COL8A2: variants seen among roughly 807,000 people sequenced by gnomAD.
The protein encoded by COL8A2 is collagen type VIII alpha 2 chain, also known as collagen alpha-2(VIII) chain.
COL8A2 carries 16 observed loss-of-function variants against 24.0 expected under a neutral mutation model. That is an observed-to-expected ratio of 0.67 (90% CI 0.45 to 1.01). COL8A2 has a LOEUF of 1.01. COL8A2 is among the 50% of genes least tolerant of loss of function. The probability of loss-of-function intolerance (pLI) is 0.00; values close to 1 mark genes in which losing one functional copy is unlikely to be tolerated. For synonymous variants in COL8A2, 466 were observed against 424.5 expected (o/e 1.10, Z -1.20); for missense variants, 818 against 942.4 (o/e 0.87, Z 1.73).
chr1:36,108,297 C>G (rs1053682107), intron 2 of COL8A2, among the ~76,000 whole-genome samples: 42 of 152,316 alleles, frequency 2.8e-4, no homozygotes, highest in African/African-American at 1.0e-3. Context: ...TCCTTGCTCT[C>G]CCCATGGGGA....
chr1:36,096,175 T>C lies in COL8A2; in HGVS notation c.*1394A>G, dbSNP rs1461140489. The stretch of plus-strand genomic sequence containing the variant: ...AGGGCCGAGCGCGAGGCCCTGCAGC[T>C]GCGGGGAAAGTGGCCATCTTTGCAC... On this transcript the variant is annotated 3_prime_UTR_variant, in exon 4 of 4. Coordinates refer to ENST00000397799, the MANE Select transcript of COL8A2 (RefSeq NM_005202.4). 2 of 152,472 alleles carry C rather than the reference T, an allele frequency of 1.3e-5. No homozygotes were observed. Among genetic ancestry groups the C allele is most frequent in the East Asian group, 3.9e-4 (2 of 5,170 alleles). 9.4% of individuals were successfully genotyped at this position (152,472 alleles called of 1,614,324 possible).
Position 36,117,523 on chromosome 1 carries a change from GACAA to G in COL8A2, c.-61-1775_-61-1772del, listed in dbSNP as rs138506525. Among the ~76,000 whole-genome samples the G allele has an allele frequency of 5.7e-3, 865 of 152,276 alleles. 4 individuals are homozygous for G. The highest frequency in any genetic ancestry group is 0.02 in the African/African-American group (818 of 41,556). ...GGATGGAGAGAATCCAAATAAAATA[GACAA>G]ACACATGAACTAACTAATCATAGCT... On this transcript the variant is annotated intron_variant, in intron 1 of 3. Transcript: ENST00000397799.
rs149180733 is a variant in COL8A2 at position 36,097,564 on chromosome 1, G to T, written c.*5C>A. The T allele has an allele frequency of 1.3e-6, 2 of 1,594,320 alleles. No homozygotes were observed. The highest frequency in any genetic ancestry group is 2.2e-5 in the East Asian group (1 of 44,626). On this transcript the variant is annotated 3_prime_UTR_variant, in exon 4 of 4. Transcript: ENST00000397799. ...AGGCCAGGGCAGCAGGACCCCCCCC[G>T]CGGGTTATGTGGGGCAGAGCAAGAA... is the stretch of plus-strand genomic sequence containing the variant.
Position 36,099,113 on chromosome 1 carries a change from G to GT in COL8A2, c.567dup (p.Pro190ThrfsTer12). On this transcript the variant is annotated frameshift_variant, in exon 4 of 4. Transcript: ENST00000397799. LOFTEE classifies it low-confidence loss of function (END_TRUNC). ...GGCCCAGGCTCCCCCTGGGGCCCTG[G>GT]TTCCCCCTGGAATCCTGGGGGCCCT... The GT allele has an allele frequency of 6.6e-7, 1 of 1,508,722 alleles. No homozygotes were observed. Among genetic ancestry groups the GT allele is most frequent in the Non-Finnish European group, 8.8e-7 (1 of 1,130,564 alleles). 93.5% of individuals were successfully genotyped at this position (1,508,722 alleles called of 1,614,324 possible).
intron 2 of COL8A2, among the ~76,000 whole-genome samples, chr1:36,103,247 G>A (rs1242330332): frequency 6.6e-6 from 1 of 152,078 alleles, no homozygotes; most frequent in Non-Finnish European, 1.5e-5. Flanking sequence ...TTATAGGCAT[G>A]AGCCACCATG....
chr1:36,116,460 A>G (rs1309898821), intron 1 of COL8A2, among the ~76,000 whole-genome samples: 2 of 152,178 alleles, frequency 1.3e-5, no homozygotes, highest in African/African-American at 4.8e-5. Flanking sequence ...GGAAGCTTCT[A>G]CTATGTGGAG....
rs201868437 is a variant in COL8A2, at chr1:36,100,145, C to G, written c.98G>C (p.Gly33Ala). The change falls in exon 3 of 4, where the codon GGT (glycine) becomes GCT (alanine). Residue 33 changes from glycine to alanine, a missense_variant. Gly to Ala is a moderately conservative substitution (Grantham distance 60). This residue lies in a region of COL8A2 where 573 missense variants were observed against 616.8 expected (regional missense o/e 0.93). Coordinates refer to ENST00000397799, the MANE Select transcript of COL8A2 (RefSeq NM_005202.4). ...CACTGGGGCATAGCCCGCCGCCCCA[C>G]CGGCCCCGCCACCAGAGGACGCCCG... ...GPRASSGGGAGGAAGYAPVKY... is the reference protein window; with the variant it reads ...GPRASSGGGAAGAAGYAPVKY... 95 of 1,612,592 alleles carry G rather than the reference C, an allele frequency of 5.9e-5. No homozygotes were observed. Among genetic ancestry groups the G allele is most frequent in the Non-Finnish European group, 1.2e-5 (14 of 1,179,544 alleles).
chr1:36,099,938 G>A, intron 3 of COL8A2, 112 bp downstream of exon 3: 2 of 1,012,678 alleles, frequency 2.0e-6, no homozygotes, highest in South Asian at 2.6e-5. Flanking sequence ...AGGAAAATTG[G>A]TGGGGAATGA....
chr1:36,122,344 C>T (rs993507480), intron 1 of COL8A2, among the ~76,000 whole-genome samples: 24 of 152,200 alleles, frequency 1.6e-4, no homozygotes, highest in Non-Finnish European at 3.1e-4. Flanking sequence ...TCAAGATCTG[C>T]TGTCCACACT....
intron 1 of COL8A2, among the ~76,000 whole-genome samples, chr1:36,118,239 G>A (rs1446865578): frequency 6.6e-6 from 1 of 152,244 alleles, no homozygotes; most frequent in Non-Finnish European, 1.5e-5. Context: ...AGGCTAGGAA[G>A]TGAAGGAGGT....
intron 2 of COL8A2, among the ~76,000 whole-genome samples, chr1:36,111,606 G>A (rs1643841746): frequency 6.6e-6 from 1 of 151,802 alleles, no homozygotes; most frequent in Non-Finnish European, 1.5e-5. Context: ...GAGTTCAGTG[G>A]TGTACATGAC....
chr1:36,102,903 C>G (rs934013356), intron 2 of COL8A2, among the ~76,000 whole-genome samples: 1 of 151,856 alleles, frequency 6.6e-6, no homozygotes, highest in Non-Finnish European at 1.5e-5. Context: ...GAACTCCTGA[C>G]CTCTAGCGAT....
At chr1:36,117,930 A>G (rs1643887491) in intron 1 of COL8A2, among the ~76,000 whole-genome samples, 1 of 151,940 alleles carries the variant, frequency 6.6e-6, no homozygotes, top group African/African-American at 2.4e-5. Context: ...TAGGCTTTTC[A>G]CCATACAGAT....
In COL8A2 at chr1:36,098,536, C is replaced by A; in HGVS notation, c.1145G>T (p.Gly382Val). The A allele has an allele frequency of 6.3e-7, 1 of 1,598,858 alleles. No individual in the cohort carries two copies. The highest frequency in any genetic ancestry group is 8.5e-7 in the Non-Finnish European group (1 of 1,173,770). The stretch of plus-strand genomic sequence containing the variant: ...AGGCACTCCTGGGGGTCCTCCAGGC[C>A]CTGCCTCACCCTTAGGCCCAGGGGG... Reference protein sequence around the residue: ...RGPPGPKGEAGPGGPPGVPGI... With the variant: ...RGPPGPKGEAVPGGPPGVPGI... The change falls in exon 4 of 4, where the codon GGG becomes GTG. Residue 382 changes from glycine to valine, a missense_variant. This residue lies in a region of COL8A2 where 573 missense variants were observed against 616.8 expected (regional missense o/e 0.93). Transcript: ENST00000397799.
At chr1:36,109,942 T>C (rs988770874) in intron 2 of COL8A2, among the ~76,000 whole-genome samples, 23 of 146,802 alleles carry the variant, frequency 1.6e-4, no homozygotes, top group Non-Finnish European at 3.4e-4. Flanking sequence ...TTTTTTTTTT[T>C]TTTTTGAGAC....
Position 36,098,422 on chromosome 1 carries a change from G to C in COL8A2, c.1259C>G (p.Pro420Arg), listed in dbSNP as rs1010496595. Reference sequence around the variant, plus strand: ...CTCACCCTTGGGCCCAGTTGGTCCAGGGGGTCCATGGGCCCCAGGAAGTCC... The same window carrying C: ...CTCACCCTTGGGCCCAGTTGGTCCACGGGGTCCATGGGCCCCAGGAAGTCC... Reference protein sequence around the residue: ...ERGLPGAHGPPGPTGPKGEPG... With the variant: ...ERGLPGAHGPRGPTGPKGEPG... The change falls in exon 4 of 4, where the codon CCT (proline) becomes CGT (arginine). Residue 420 changes from proline to arginine, a missense_variant. By Grantham distance (103) the Pro-to-Arg change is moderately radical. This residue lies in a region of COL8A2 where 573 missense variants were observed against 616.8 expected (regional missense o/e 0.93). Transcript: ENST00000397799. The C allele has an allele frequency of 1.0e-5, 16 of 1,582,044 alleles. No individual in the cohort carries two copies. Among genetic ancestry groups the C allele is most frequent in the Non-Finnish European group, 1.4e-5 (16 of 1,164,600 alleles).
chr1:36,113,423 G>A (rs78342521), intron 2 of COL8A2, among the ~76,000 whole-genome samples: 1,760 of 152,350 alleles, frequency 0.012, 8 homozygotes, highest in Non-Finnish European at 0.019. Context: ...TGGTCATTGG[G>A]TGGGACCCTT....
rs562510542 is a variant in COL8A2 at position 36,115,723 on chromosome 1, G to A, written c.-32C>T. The stretch of plus-strand genomic sequence containing the variant: ...CCTAGCTTACCTTTCAGGTCGGAGG[G>A]GCCTGGGAAGGTTCCAGCAGAGGCA... On this transcript the variant is annotated 5_prime_UTR_variant, in exon 2 of 4. Transcript: ENST00000397799. This position sits in a 1 kb window ranked among gnomAD's most constrained non-coding sequence, Gnocchi z 5.7. The A allele has an allele frequency of 2.0e-6, 2 of 985,334 alleles. No individual in the cohort carries two copies. The highest frequency in any genetic ancestry group is 2.4e-6 in the Non-Finnish European group (2 of 830,072). 61.0% of individuals were successfully genotyped at this position (985,334 alleles called of 1,614,324 possible).
chr1:36,098,523 G>T lies in COL8A2; in HGVS notation c.1158C>A (p.Pro386=). 1 of 1,594,066 alleles carries T rather than the reference G, an allele frequency of 6.3e-7. No individual in the cohort carries two copies. The highest frequency in any genetic ancestry group is 2.3e-5 in the East Asian group (1 of 43,516). The change falls in exon 4 of 4, where the codon CCC becomes CCA. Residue 386 remains proline, a synonymous_variant. Coordinates refer to ENST00000397799, the MANE Select transcript of COL8A2 (RefSeq NM_005202.4). ...GPKGEAGPGG[P]PGVPGIRGDQ... is the part of the protein sequence containing the mutation. ...CACCTCGAATGCCAGGCACTCCTGG[G>T]GGTCCTCCAGGCCCTGCCTCACCCT... is the stretch of plus-strand genomic sequence containing the variant.
Sources: allele counts gnomAD v4.1 joint callset (sites outside exome capture counted in the v4.1 genomes callset), GRCh38; gene constraint gnomAD v4.1.1; regional missense constraint gnomAD v4.1.1; non-coding constraint Gnocchi (gnomAD v3.1); transcripts MANE v1.5; gene names NCBI Gene and HGNC (gene_info 2026-07-23, HGNC 2026-07-21).